The following CPPED1 variants were observed in gnomAD, a reference collection of about 807,000 sequenced individuals.
CPPED1 encodes the protein serine/threonine-protein phosphatase CPPED1.
In CPPED1, 28 loss-of-function variants were observed where a neutral mutation model predicts 28.0. The observed-to-expected ratio is 1.00, with a 90% CI of 0.74 to 1.37. The LOEUF is 1.37. CPPED1 is among the 40% of genes most tolerant of loss of function. The probability of loss-of-function intolerance (pLI) is 0.00; values close to 1 mark genes in which losing one functional copy is unlikely to be tolerated. For missense variants in CPPED1, 504 were observed against 416.5 expected (o/e 1.21, Z -1.83); for synonymous variants, 198 against 180.2 (o/e 1.10, Z -0.79).
rs1189943637 is a variant in CPPED1, at chr16:12,682,844, G to A, written c.716-17729C>T. ...TTTAAAAGAAGATGGCAGCTTGCGT[G>A]TGAAATGGAGCGTGGGGCCCACATT... On this transcript the variant is annotated intron_variant, in intron 3 of 3. Coordinates refer to ENST00000381774, the MANE Select transcript of CPPED1 (RefSeq NM_018340.3). This position sits in a 1 kb window ranked among gnomAD's most constrained non-coding sequence, Gnocchi z 6.1. 1.3e-5 allele frequency among the ~76,000 whole-genome samples: 2 copies of A among 152,194 alleles called. No individual in the cohort carries two copies. Among genetic ancestry groups the A allele is most frequent in the Non-Finnish European group, 2.9e-5 (2 of 67,996 alleles).
chr16:12,776,101 T>A (rs1016127321), intron 2 of CPPED1, among the ~76,000 whole-genome samples: 3 of 152,152 alleles, frequency 2.0e-5, no homozygotes, highest in Non-Finnish European at 4.4e-5. Flanking sequence ...GGACCTAATA[T>A]AATCACCAGG....
intron 2 of CPPED1, among the ~76,000 whole-genome samples, chr16:12,778,251 T>C (rs1043254729): frequency 3.3e-5 from 5 of 150,996 alleles, no homozygotes; most frequent in Admixed American, 2.7e-4. Flanking sequence ...CCAAGATATT[T>C]TCTTTTCTTT....
At chr16:12,701,432 G>A (rs2080020165) in intron 3 of CPPED1, among the ~76,000 whole-genome samples, 1 of 152,166 alleles carries the variant, frequency 6.6e-6, no homozygotes, top group South Asian at 2.1e-4. Flanking sequence ...TACTCGGGAG[G>A]CTGAGGCAGG....
intron 1 of CPPED1, among the ~76,000 whole-genome samples, chr16:12,801,711 T>A (rs2080660829): frequency 1.3e-5 from 2 of 152,050 alleles, no homozygotes; most frequent in Admixed American, 6.6e-5. Context: ...AAATGGCCAT[T>A]GTATTAGTCA....
intron 1 of CPPED1, among the ~76,000 whole-genome samples, chr16:12,795,821 G>A (rs1038136983): frequency 1.3e-5 from 2 of 152,068 alleles, no homozygotes; most frequent in Admixed American, 6.5e-5. Context: ...TGGTGGCTTA[G>A]GCCTGTAATC....
At chr16:12,771,952 G>C (rs774383895) in intron 2 of CPPED1, among the ~76,000 whole-genome samples, 9 of 152,062 alleles carry the variant, frequency 5.9e-5, no homozygotes, top group Non-Finnish European at 1.0e-4. Flanking sequence ...CAGAAACCTT[G>C]TCTCTACTAA....
chr16:12,668,667 G>GAA (rs1354772715), intron 3 of CPPED1, among the ~76,000 whole-genome samples: 1 of 152,182 alleles, frequency 6.6e-6, no homozygotes, highest in Non-Finnish European at 1.5e-5. Flanking sequence ...TAACAAGCGG[G>GAA]AAAGGATTTT....
At chr16:12,724,762 C>A (rs1234057673) in intron 2 of CPPED1, among the ~76,000 whole-genome samples, 1 of 152,176 alleles carries the variant, frequency 6.6e-6, no homozygotes, top group Non-Finnish European at 1.5e-5. Context: ...TGCATCTACT[C>A]ATTACCAGCT....
chr16:12,794,347 C>A (rs1459957132), intron 1 of CPPED1, among the ~76,000 whole-genome samples: 1 of 151,976 alleles, frequency 6.6e-6, no homozygotes, highest in African/African-American at 2.4e-5. Context: ...CAGAAAGAAG[C>A]CCAAAGTGGT....
At chr16:12,713,179 C>A (rs76758467) in intron 2 of CPPED1, among the ~76,000 whole-genome samples, 4,564 of 152,038 alleles carry the variant, frequency 0.03, 234 homozygotes, top group African/African-American at 0.11. Flanking sequence ...GAATTGTGTT[C>A]TTTCTGAATC....
rs2080677462 is a variant in CPPED1 at position 12,803,862 on chromosome 16, C to G, written c.-86G>C. On this transcript the variant is annotated 5_prime_UTR_variant, in exon 1 of 4. Transcript: ENST00000381774. ...CACAGAACAACCGCTGGACCTGTCC[C>G]GCTTTGGGCGACGCCCTTTGATCTC... 3 of 1,302,988 alleles carry G rather than the reference C, an allele frequency of 2.3e-6. No homozygotes were observed. Among genetic ancestry groups the G allele is most frequent in the Non-Finnish European group, 3.1e-6 (3 of 956,972 alleles). The allele number at this position is 1,302,988 out of a possible 1,614,324, so 80.7% of individuals were successfully genotyped here.
chr16:12,758,846 A>G (rs2080389607), intron 2 of CPPED1, among the ~76,000 whole-genome samples: 1 of 152,040 alleles, frequency 6.6e-6, no homozygotes, highest in South Asian at 2.1e-4. Context: ...GATGATGATG[A>G]TGACAGCAAT....
intron 2 of CPPED1, among the ~76,000 whole-genome samples, chr16:12,779,459 G>C (rs376877575): frequency 6.6e-5 from 10 of 151,920 alleles, no homozygotes; most frequent in African/African-American, 2.4e-4. Flanking sequence ...CGCGATCTCA[G>C]CTCACTGCAA....
chr16:12,775,687 C>T (rs2141235407), intron 2 of CPPED1, among the ~76,000 whole-genome samples: 1 of 152,322 alleles, frequency 6.6e-6, no homozygotes, highest in South Asian at 2.1e-4. Flanking sequence ...ATCTGCTGCT[C>T]TGGGCACCAC....
intron 2 of CPPED1, among the ~76,000 whole-genome samples, chr16:12,752,117 GTTCTGGT>G (rs1273948929): frequency 6.6e-6 from 1 of 152,240 alleles, no homozygotes; most frequent in East Asian, 1.9e-4. Flanking sequence ...TAATAAACTA[GTTCTGGT>G]TTATAAACTT....
In CPPED1 at chr16:12,660,017, C is replaced by T. The variant is rs1324225758; in HGVS notation, c.*4869G>A. ...AGAAACTGCCTCCATGATCCAATTACCTCCCACCAGGTCCGTCCCTTGACA... is the reference window on the plus strand; with the variant it reads ...AGAAACTGCCTCCATGATCCAATTATCTCCCACCAGGTCCGTCCCTTGACA... On this transcript the variant is annotated 3_prime_UTR_variant, in exon 4 of 4. Coordinates refer to ENST00000381774, the MANE Select transcript of CPPED1 (RefSeq NM_018340.3). 2.0e-5 allele frequency: 3 copies of T among 152,242 alleles called. No homozygotes were observed. In the East Asian group the frequency reaches 5.8e-4, roughly 29 times the overall value. The allele number at this position is 152,242 out of a possible 1,614,324, so 9.4% of individuals were successfully genotyped here. A position where few individuals can be genotyped will look rare whatever the true frequency, so the allele number is the denominator to read the frequency against.
At chr16:12,691,286 T>C (rs1363733857) in intron 3 of CPPED1, among the ~76,000 whole-genome samples, 1 of 152,242 alleles carries the variant, frequency 6.6e-6, no homozygotes, top group Non-Finnish European at 1.5e-5. Context: ...GTGTGTTTTC[T>C]TTCTTTCTTT....
At chr16:12,798,192 T>C (rs906403200) in intron 1 of CPPED1, among the ~76,000 whole-genome samples, 4 of 152,226 alleles carry the variant, frequency 2.6e-5, no homozygotes, top group African/African-American at 9.6e-5. Context: ...TGCAAACTTT[T>C]TACATATGTG....
intron 2 of CPPED1, chr16:12,753,237 C>G (rs368817630): frequency 3.8e-4 from 58 of 152,294 alleles, no homozygotes; most frequent in African/African-American, 1.3e-3. Context: ...GTGATGCTGT[C>G]CTGCAGTGTG....
Sources: gnomAD v4.1 joint callset for allele counts (sites outside exome capture counted in the v4.1 genomes callset) on GRCh38, gnomAD v4.1.1 for gene constraint, Gnocchi (gnomAD v3.1) non-coding constraint, MANE v1.5 for transcripts, NCBI Gene and HGNC (gene_info 2026-07-23, HGNC 2026-07-21) for gene names.